The following DAGLA variants were observed in gnomAD, a reference collection of about 807,000 sequenced individuals.
DAGLA encodes the protein diacylglycerol lipase alpha, also known as diacylglycerol lipase-alpha.
DAGLA carries 22 observed loss-of-function variants against 102.6 expected under a neutral mutation model. That is an observed-to-expected ratio of 0.21 (90% CI 0.15 to 0.31). The LOEUF is 0.31. Ranked by LOEUF, DAGLA falls within the 10% of genes least tolerant of loss-of-function variation. The probability of loss-of-function intolerance (pLI) is 1.00; values close to 1 mark genes in which losing one functional copy is unlikely to be tolerated. For missense variants in DAGLA, 927 were observed against 1,446.6 expected, an observed-to-expected ratio of 0.64 and a Z score of 5.83; for synonymous variants, 578 against 628.9, an observed-to-expected ratio of 0.92 and a Z score of 1.21.
At position 61,728,289 on chromosome 11, in the gene DAGLA, T is replaced by G. The variant is rs1591046501; in HGVS notation, c.771+2T>G. 1 of 1,609,940 alleles carries G rather than the reference T, an allele frequency of 6.2e-7. No homozygotes were observed. The highest frequency in any genetic ancestry group is 8.5e-7 in the Non-Finnish European group (1 of 1,179,800). ...AAGCGCAACGCCGTGCTGGACGAGGTGAGCACCACCAGCCCCTTCTCCAGG... is the reference window on the plus strand; with the variant it reads ...AAGCGCAACGCCGTGCTGGACGAGGGGAGCACCACCAGCCCCTTCTCCAGG... On this transcript the variant is annotated splice_donor_variant, in intron 7 of 19. Transcript: ENST00000257215. LOFTEE classifies it high-confidence loss of function.
At position 61,738,185 on chromosome 11, in the gene DAGLA, T is replaced by A; in HGVS notation, c.1634T>A (p.Leu545Gln). ...EGFRRQLLDVLQRSTKPKWRI... is the reference protein window; with the variant it reads ...EGFRRQLLDVQQRSTKPKWRI... Reference sequence around the variant, plus strand: ...TTCCGCAGACAGCTCCTGGATGTCCTGCAGCGAAGCACCAAGCCCAAAGTG... The same window carrying A: ...TTCCGCAGACAGCTCCTGGATGTCCAGCAGCGAAGCACCAAGCCCAAAGTG... Residue 545 changes from leucine to glutamine, a missense_variant, in exon 16 of 20, where the codon CTG becomes CAG. By Grantham distance (113) the Leu-to-Gln change is moderately radical. Around this residue, in one of 4 missense-constraint regions of DAGLA, gnomAD observed 218 missense variants for 459.6 expected, o/e 0.47. Coordinates refer to ENST00000257215, the MANE Select transcript of DAGLA (RefSeq NM_006133.3). 6.2e-7 allele frequency: 1 copy of A among 1,613,262 alleles called. No homozygotes were observed. Among genetic ancestry groups the A allele is most frequent in the Non-Finnish European group, 8.5e-7 (1 of 1,179,986 alleles).
intron 1 of DAGLA, among the ~76,000 whole-genome samples, chr11:61,695,097 C>G (rs571261534): frequency 6.6e-6 from 1 of 152,296 alleles, no homozygotes; most frequent in African/African-American, 2.4e-5. Flanking sequence ...ACTACCTTTG[C>G]CAGCAACTGA....
chr11:61,714,070 T>C (rs976915726), intron 1 of DAGLA, among the ~76,000 whole-genome samples: 13 of 152,200 alleles, frequency 8.5e-5, no homozygotes, highest in Admixed American at 8.5e-4. Context: ...CCACATTTAC[T>C]TTGGCAACCA....
At chr11:61,697,607 T>C (rs1181488010) in intron 1 of DAGLA, among the ~76,000 whole-genome samples, 2 of 152,162 alleles carry the variant, frequency 1.3e-5, no homozygotes, top group African/African-American at 4.8e-5. Context: ...CCTTCCTCCC[T>C]CAAATGAGCA....
chr11:61,704,090 C>T (rs1182503973), intron 1 of DAGLA, among the ~76,000 whole-genome samples: 1 of 150,862 alleles, frequency 6.6e-6, no homozygotes, highest in Non-Finnish European at 1.5e-5. Context: ...GTCTTATGAT[C>T]TACTATCAAA....
At chr11:61,728,845 C>A in intron 7 of DAGLA, 86 bp from the exon 8 acceptor site, 2 of 1,197,016 alleles carry the variant, frequency 1.7e-6, no homozygotes, top group African/African-American at 1.5e-5. Flanking sequence ...GGGAAGCAGG[C>A]GGACGCCAGG....
chr11:61,710,774 G>A (rs1451638733), intron 1 of DAGLA, among the ~76,000 whole-genome samples: 3 of 152,186 alleles, frequency 2.0e-5, no homozygotes, highest in Non-Finnish European at 2.9e-5. Flanking sequence ...AAGGTTCTGC[G>A]CACACTGGGG....
Position 61,744,252 on chromosome 11 carries a change from C to T in DAGLA, c.2892C>T (p.Phe964=), listed in dbSNP as rs749185685. The part of the protein sequence containing the change: ...SQQEILLRAQ[F]EPNLVPKPPR... ...AAGAGATCCTGCTCCGTGCCCAGTT[C>T]GAGCCCAACCTGGTGCCCAAGCCCC... is the stretch of plus-strand genomic sequence containing the variant. Residue 964 remains phenylalanine (F), a synonymous_variant, in exon 20 of 20, where the codon TTC becomes TTT. Transcript: ENST00000257215. The T allele has an allele frequency of 7.4e-6, 12 of 1,613,066 alleles. No homozygotes were observed. Among genetic ancestry groups the T allele is most frequent in the Admixed American group, 1.7e-5 (1 of 60,026 alleles).
Position 61,744,021 on chromosome 11 carries a change from C to T in DAGLA, c.2661C>T (p.Gly887=), listed in dbSNP as rs552427376. The T allele has an allele frequency of 4.2e-5, 67 of 1,611,974 alleles. 2 individuals carry two copies. The highest frequency in any genetic ancestry group is 5.3e-5 in the Non-Finnish European group (62 of 1,179,664). Residue 887 remains glycine (G), a synonymous_variant, in exon 20 of 20, where the codon GGC becomes GGT. Transcript: ENST00000257215. The part of the protein sequence containing the change: ...DEEEEVGGGG[G]GPASRGELAL... ...AGGAAGAGGTTGGCGGTGGGGGTGG[C>T]GGGCCGGCCTCCCGCGGGGAGCTGG... is the stretch of plus-strand genomic sequence containing the variant.
At chr11:61,741,837 C>G (rs1287048328) in intron 19 of DAGLA, among the ~76,000 whole-genome samples, 1 of 152,060 alleles carries the variant, frequency 6.6e-6, no homozygotes. Context: ...GTCTTGAACT[C>G]CTGACCTCAG....
intron 1 of DAGLA, among the ~76,000 whole-genome samples, chr11:61,717,377 AGACCTT>A (rs2065243992): frequency 6.7e-6 from 1 of 150,084 alleles, no homozygotes. Flanking sequence ...CCCCCACCCC[AGACCTT>A]GACTTGTTGG....
intron 1 of DAGLA, among the ~76,000 whole-genome samples, chr11:61,705,789 C>T (rs945663110): frequency 2.0e-5 from 3 of 152,200 alleles, no homozygotes; most frequent in Non-Finnish European, 4.4e-5. Context: ...AACCAGATTT[C>T]ACCTGTGTTC....
intron 9 of DAGLA, among the ~76,000 whole-genome samples, chr11:61,732,612 G>C (rs576613047): frequency 1.3e-5 from 2 of 152,320 alleles, no homozygotes; most frequent in South Asian, 4.1e-4. Context: ...GTGCTCTGCA[G>C]ACAGGAGGGG....
intron 5 of DAGLA, among the ~76,000 whole-genome samples, 181 bp downstream of exon 5, chr11:61,723,753 G>T (rs890503531): frequency 1.3e-5 from 2 of 152,200 alleles, no homozygotes; most frequent in African/African-American, 4.8e-5. Context: ...CTATAAAGTG[G>T]GAATAATAAC....
At chr11:61,741,972 T>C (rs770989269) in intron 19 of DAGLA, among the ~76,000 whole-genome samples, 9 of 152,180 alleles carry the variant, frequency 5.9e-5, no homozygotes, top group Non-Finnish European at 1.2e-4. Flanking sequence ...TACTTACATA[T>C]TTGTATTGAA....
At chr11:61,708,531 C>T (rs1055243579) in intron 1 of DAGLA, among the ~76,000 whole-genome samples, 3 of 152,138 alleles carry the variant, frequency 2.0e-5, no homozygotes, top group Non-Finnish European at 4.4e-5. Flanking sequence ...CAGGCTCCCG[C>T]CATCATGCCC....
chr11:61,718,281 G>A (rs2065253006), intron 1 of DAGLA, among the ~76,000 whole-genome samples: 1 of 151,808 alleles, frequency 6.6e-6, no homozygotes, highest in African/African-American at 2.4e-5. Flanking sequence ...ACCTGCGGGG[G>A]CGTACTGCCC....
At position 61,744,102 on chromosome 11, in the gene DAGLA, C is replaced by G. The variant is rs746603173; in HGVS notation, c.2742C>G (p.Ala914=). The G allele has an allele frequency of 6.2e-7, 1 of 1,612,832 alleles. No individual in the cohort carries two copies. The highest frequency in any genetic ancestry group is 8.5e-7 in the Non-Finnish European group (1 of 1,179,986). Residue 914 remains alanine (A), a synonymous_variant, in exon 20 of 20, where the codon GCC becomes GCG. Coordinates refer to ENST00000257215, the MANE Select transcript of DAGLA (RefSeq NM_006133.3). ...DSPSPQVLEF[A]EFIDSLFNLD... is the part of the protein sequence containing the mutation. ...CCAGTCCTCAGGTGCTGGAATTCGC[C>G]GAGTTCATCGACAGCCTCTTCAACC...
intron 5 of DAGLA, among the ~76,000 whole-genome samples, chr11:61,724,854 T>G (rs904742856): frequency 1.3e-5 from 2 of 152,038 alleles, no homozygotes; most frequent in African/African-American, 4.8e-5. Context: ...GCTGTCCAAG[T>G]CCCTAAGAGC....
Sources: allele counts gnomAD v4.1 joint callset (sites outside exome capture counted in the v4.1 genomes callset), GRCh38; gene constraint gnomAD v4.1.1; regional missense constraint gnomAD v4.1.1; transcripts MANE v1.5; gene names NCBI Gene and HGNC (gene_info 2026-07-23, HGNC 2026-07-21).